Variants in WDR27 observed in about 807,000 individuals in gnomAD.
WDR27 encodes the protein WD repeat-containing protein 27.
A neutral mutation model predicts 114.4 loss-of-function variants in WDR27; 100 were observed. The observed-to-expected ratio is 0.87, with a 90% CI of 0.74 to 1.03. The LOEUF (loss-of-function observed/expected upper bound fraction) is 1.03. WDR27 is among the 50% of genes least tolerant of loss of function. WDR27 has a pLI of 0.00. For synonymous variants in WDR27, 449 were observed against 423.1 expected, an observed-to-expected ratio of 1.06 and a Z score of -0.75; for missense variants, 1,129 against 1,092.9, an observed-to-expected ratio of 1.03 and a Z score of -0.47.
intron 2 of WDR27, among the ~76,000 whole-genome samples, chr6:169,686,858 G>A (rs1403859311): frequency 5.3e-5 from 8 of 152,066 alleles, no homozygotes; most frequent in Non-Finnish European, 2.9e-5. Context: ...TGGAACTGGA[G>A]GTCATTATGT....
intron 25 of WDR27, among the ~76,000 whole-genome samples, chr6:169,567,647 T>G (rs1800715581): frequency 6.6e-6 from 1 of 152,132 alleles, no homozygotes; most frequent in Admixed American, 6.5e-5. Flanking sequence ...GGCCCACACC[T>G]GTGCCACGCT....
At chr6:169,644,563 GAAA>G (rs1380646747) in intron 16 of WDR27, among the ~76,000 whole-genome samples, 1 of 149,622 alleles carries the variant, frequency 6.7e-6, no homozygotes, top group East Asian at 2.1e-4. Context: ...TCACACTGTC[GAAA>G]AGCCTAGTTC....
rs1180329749 is a variant in WDR27 at position 169,688,947 on chromosome 6, A to C, written c.59T>G (p.Ile20Arg). The change falls in exon 2 of 26, where the codon ATA (isoleucine) becomes AGA (arginine). Residue 20 changes from isoleucine (I) to arginine (R), a missense_variant. By Grantham distance (97) the Ile-to-Arg change is moderately conservative (BLOSUM62 -3). Coordinates refer to ENST00000448612, the MANE Select transcript of WDR27 (RefSeq NM_182552.5). ...SNGGCLSDIVIEKYLVESKES... is the reference protein window; with the variant it reads ...SNGGCLSDIVREKYLVESKES... ...CTTGGATTCAACCAGGTATTTTTCT[A>C]TAACTATATCACTTAGACAGCCACC... is the stretch of plus-strand genomic sequence containing the variant. The C allele has an allele frequency of 6.2e-7, 1 of 1,613,798 alleles. No individual in the cohort carries two copies.
chr6:169,691,170 G>A (rs548584974), intron 1 of WDR27, among the ~76,000 whole-genome samples: 79 of 152,160 alleles, frequency 5.2e-4, no homozygotes, highest in Middle Eastern at 3.4e-3. Context: ...AGCCGAGATC[G>A]CGCCACTGCA....
intron 25 of WDR27, among the ~76,000 whole-genome samples, chr6:169,490,301 C>T (rs1163410648): frequency 6.6e-6 from 1 of 152,218 alleles, no homozygotes; most frequent in Non-Finnish European, 1.5e-5. Flanking sequence ...CTGCTTCTCA[C>T]GTGTGGAGGA....
intron 1 of WDR27, among the ~76,000 whole-genome samples, chr6:169,693,342 A>C (rs1466277580): frequency 6.6e-6 from 1 of 152,252 alleles, no homozygotes; most frequent in East Asian, 1.9e-4. Context: ...AAGGAGTTCT[A>C]AATCTTGAAA....
At position 169,593,235 on chromosome 6, in the gene WDR27, CCT is replaced by C. The variant is rs1012358180; in HGVS notation, c.2424+8982_2424+8983del. Among the ~76,000 whole-genome samples the C allele has an allele frequency of 1.5e-3, 224 of 152,212 alleles. 1 individual carries two copies. Among genetic ancestry groups the C allele is most frequent in the African/African-American group, 5.1e-3 (211 of 41,540 alleles). ...GATGTTTAAGAGGTTGGTAAAATCC[CCT>C]GAGAAAGCACATGGGCCTGGTACTA... On this transcript the variant is annotated intron_variant, in intron 23 of 25. Transcript: ENST00000448612.
rs1487536806 is a variant in WDR27, at chr6:169,602,342, C to T, written c.2322-21G>A. 6 of 1,459,666 alleles carry T rather than the reference C, an allele frequency of 4.1e-6. No individual in the cohort carries two copies. The Admixed American group carries it at 1.0e-4, about 25-fold the overall frequency. The allele number at this position is 1,459,666 out of a possible 1,614,324, so 90.4% of individuals were successfully genotyped here. ...CACACCTACAGGGAGGAAAGAAACACCAGGAGAAAAATCATTTTAAAATTT... is the reference window on the plus strand; with the variant it reads ...CACACCTACAGGGAGGAAAGAAACATCAGGAGAAAAATCATTTTAAAATTT... On this transcript the variant is annotated intron_variant, in intron 22 of 25. Transcript: ENST00000448612.
chr6:169,490,290 G>A (rs956064233), intron 25 of WDR27, among the ~76,000 whole-genome samples: 5 of 152,218 alleles, frequency 3.3e-5, no homozygotes, highest in Non-Finnish European at 5.9e-5. Flanking sequence ...GCAGGACTTG[G>A]CTGCTTCTCA....
rs769583476 is a variant in WDR27, at chr6:169,659,551, T to G, written c.1130-33A>C. 5.7e-6 allele frequency: 9 copies of G among 1,589,256 alleles called. No individual in the cohort carries two copies. In the South Asian group the frequency reaches 1.0e-4, roughly 18 times the overall value. ...TGAGCGAAGACCAGGAAGAACATGA[T>G]GGGGAGGGAGGTAGCACATACACAC... On this transcript the variant is annotated intron_variant, in intron 10 of 25. Transcript: ENST00000448612. This position sits in a 1 kb window ranked among gnomAD's most constrained non-coding sequence, Gnocchi z 4.3.
intron 25 of WDR27, among the ~76,000 whole-genome samples, chr6:169,469,827 AGCATCT>A (rs1341841807): frequency 6.6e-6 from 1 of 152,228 alleles, no homozygotes; most frequent in East Asian, 1.9e-4. Flanking sequence ...CTCTATTCCC[AGCATCT>A]GCTGAGATAG....
intron 24 of WDR27, among the ~76,000 whole-genome samples, chr6:169,578,659 G>A (rs1309834095): frequency 2.0e-5 from 3 of 152,102 alleles, no homozygotes. Flanking sequence ...CTGAGACACA[G>A]CTGCACTAAC....
At chr6:169,593,922 T>C (rs979947778) in intron 23 of WDR27, among the ~76,000 whole-genome samples, 22 of 152,372 alleles carry the variant, frequency 1.4e-4, no homozygotes, top group African/African-American at 5.3e-4. Context: ...TTATTAATTC[T>C]ACTGATTCTC....
At chr6:169,612,333 T>C (rs1251931840) in intron 22 of WDR27, among the ~76,000 whole-genome samples, 1 of 152,168 alleles carries the variant, frequency 6.6e-6, no homozygotes, top group African/African-American at 2.4e-5. Flanking sequence ...GGCAGGAGAA[T>C]GGCGTGAAGC....
At chr6:169,485,169 T>C (rs994751194) in intron 25 of WDR27, among the ~76,000 whole-genome samples, 3 of 152,100 alleles carry the variant, frequency 2.0e-5, no homozygotes, top group African/African-American at 7.2e-5. Context: ...TGTTGGCAAA[T>C]GGGACCTAAT....
In WDR27 at chr6:169,601,787, C is replaced by T. The variant is rs562121281; in HGVS notation, c.2424+432G>A. On this transcript the variant is annotated intron_variant, in intron 23 of 25. Coordinates refer to ENST00000448612, the MANE Select transcript of WDR27 (RefSeq NM_182552.5). ...CCCCAAATCCACCATGAGGCGCATG[C>T]GCATAATGTGGAGGGGGCAGTTCCA... is the stretch of plus-strand genomic sequence containing the variant. Among the ~76,000 whole-genome samples, 10 of 152,332 alleles carry T rather than the reference C, an allele frequency of 6.6e-5. No homozygotes were observed. The South Asian group carries it at 8.3e-4, about 13-fold the overall frequency.
At chr6:169,516,229 A>G (rs1793618257) in intron 25 of WDR27, among the ~76,000 whole-genome samples, 1 of 152,208 alleles carries the variant, frequency 6.6e-6, no homozygotes, top group African/African-American at 2.4e-5. Context: ...GTAGTAAGAA[A>G]TAAGGATCAC....
chr6:169,649,068 CTGTGTACATATG>C lies in WDR27; in HGVS notation c.1559+118_1559+129del. 4.6e-6 allele frequency: 3 copies of C among 652,932 alleles called. No homozygotes were observed. In the South Asian group the frequency reaches 7.0e-5, roughly 15 times the overall value. The allele number at this position is 652,932 out of a possible 1,614,324, so 40.4% of individuals were successfully genotyped here. A position where few individuals can be genotyped will look rare whatever the true frequency, so the allele number is the denominator to read the frequency against. On this transcript the variant is annotated intron_variant, in intron 15 of 25. Transcript: ENST00000448612. ...ATATAAATAATATAGATATACATAT[CTGTGTACATATG>C]TGTGTAAACACATGTACACATATAA...
chr6:169,461,653 AAAAAC>A, intron 25 of WDR27, among the ~76,000 whole-genome samples: 1 of 151,328 alleles, frequency 6.6e-6, no homozygotes. Flanking sequence ...GTATTAAAAA[AAAAAC>A]AAAACAAGAA....
Sources: gnomAD v4.1 joint callset for allele counts (sites outside exome capture counted in the v4.1 genomes callset) on GRCh38, gnomAD v4.1.1 for gene constraint, Gnocchi (gnomAD v3.1) non-coding constraint, MANE v1.5 for transcripts, NCBI Gene and HGNC (gene_info 2026-07-23, HGNC 2026-07-21) for gene names.